LYSET: variants seen among roughly 807,000 people sequenced by gnomAD.
LYSET encodes the protein GNPTAB cleavage and activity factor.
At chr14:93,185,134 CGCCTGCGCA>C in the LYSET span, 15 of 151,580 alleles carry the variant, frequency 9.9e-5, no homozygotes, top group Admixed American at 5.3e-4. Context: ...GGCCTGGCGC[CGCCTGCGCA>C]GCCTTGGTCG....
the LYSET span, among the ~76,000 whole-genome samples, chr14:93,187,339 G>T: frequency 6.6e-6 from 1 of 152,016 alleles, no homozygotes. Flanking sequence ...GCCCAGGCAG[G>T]TCTCGAACTC....
the LYSET span, chr14:93,186,603 TG>T: frequency 6.2e-7 from 1 of 1,614,214 alleles, no homozygotes; most frequent in South Asian, 1.1e-5. Flanking sequence ...GGCAGTTATT[TG>T]CAATCGCCAC....
At chr14:93,188,334 ATTTTCT>A in the LYSET span, among the ~76,000 whole-genome samples, 2 of 152,082 alleles carry the variant, frequency 1.3e-5, no homozygotes, top group East Asian at 1.9e-4. Flanking sequence ...AATCTTTCTG[ATTTTCT>A]TTTCTGGCCC....
At chr14:93,186,079 C>T in the LYSET span, among the ~76,000 whole-genome samples, 1 of 152,070 alleles carries the variant, frequency 6.6e-6, no homozygotes, top group Non-Finnish European at 1.5e-5. Context: ...CCATGTTAGC[C>T]AGGATGGTCT....
the LYSET span, chr14:93,185,602 C>A: frequency 1.2e-6 from 1 of 815,308 alleles, no homozygotes; most frequent in Non-Finnish European, 2.0e-6. Context: ...GTGAAATGTG[C>A]TGTGAGAAAC....
chr14:93,185,477 G>A, the LYSET span: 3 of 1,611,384 alleles, frequency 1.9e-6, no homozygotes, highest in African/African-American at 1.3e-5. Context: ...GAAGATTTTC[G>A]GGACCATTGT....
the LYSET span, among the ~76,000 whole-genome samples, chr14:93,187,742 G>A: frequency 1.3e-5 from 2 of 151,486 alleles, no homozygotes; most frequent in Non-Finnish European, 2.9e-5. Context: ...TCCACCTCTC[G>A]GGTTTAAGCG....
the LYSET span, among the ~76,000 whole-genome samples, chr14:93,185,748 T>G: frequency 6.6e-6 from 1 of 152,206 alleles, no homozygotes; most frequent in East Asian, 1.9e-4. Context: ...TTTTTTTGTG[T>G]GTGTTGTTTT....
chr14:93,185,082 G>A, the LYSET span: 1 of 151,366 alleles, frequency 6.6e-6, no homozygotes, highest in Admixed American at 6.6e-5. Flanking sequence ...GGCGACCGCT[G>A]ACGGGCGCTG....
At chr14:93,186,170 A>G in the LYSET span, 12 of 1,314,904 alleles carry the variant, frequency 9.1e-6, no homozygotes, top group Admixed American at 2.1e-4. Context: ...CGCCCGGCCT[A>G]GAATTCTTGG....
At chr14:93,188,015 G>A in the LYSET span, among the ~76,000 whole-genome samples, 1 of 149,854 alleles carries the variant, frequency 6.7e-6, no homozygotes, top group South Asian at 2.1e-4. Flanking sequence ...CTGGTGTGCA[G>A]AAGTGCGATC....
chr14:93,185,924 A>G, the LYSET span, among the ~76,000 whole-genome samples: 7 of 148,574 alleles, frequency 4.7e-5, no homozygotes, highest in African/African-American at 1.8e-4. Context: ...GCTGGAGTGC[A>G]GTGGCGTGAT....
the LYSET span, chr14:93,186,365 CAGTG>C: frequency 6.2e-7 from 1 of 1,614,208 alleles, no homozygotes; most frequent in East Asian, 2.2e-5. Flanking sequence ...TTTTTGAAAT[CAGTG>C]AGACTTACAA....
At chr14:93,188,368 C>T in the LYSET span, among the ~76,000 whole-genome samples, 1 of 152,154 alleles carries the variant, frequency 6.6e-6, no homozygotes, top group Non-Finnish European at 1.5e-5. Context: ...GGTCATCAGG[C>T]AGTAGGTTAA....
At chr14:93,185,624 C>A in the LYSET span, 2 of 697,594 alleles carry the variant, frequency 2.9e-6, no homozygotes, top group Non-Finnish European at 2.4e-6. Context: ...AGTTTAATTC[C>A]AGTTTCTGGA....
chr14:93,186,909 T>G, the LYSET span: 2 of 469,292 alleles, frequency 4.3e-6, 1 homozygote, highest in South Asian at 1.1e-4. Context: ...AAATCATGTC[T>G]GTTATTTGCA....
At chr14:93,185,581 C>G in the LYSET span, 4 of 1,054,352 alleles carry the variant, frequency 3.8e-6, no homozygotes, top group Non-Finnish European at 5.8e-6. Flanking sequence ...GAAAGTGTTT[C>G]ACCTGTCAAA....
the LYSET span, chr14:93,185,554 G>A: frequency 2.3e-6 from 3 of 1,310,714 alleles, no homozygotes; most frequent in Non-Finnish European, 3.3e-6. Flanking sequence ...CACGTCTGAA[G>A]CAGTACTGTT....
At chr14:93,185,288 G>T in the LYSET span, 1 of 971,470 alleles carries the variant, frequency 1.0e-6, no homozygotes, top group South Asian at 1.5e-5. Context: ...GGCCGCGCGT[G>T]ACCCGCCGCA....
Sources: allele counts gnomAD v4.1 joint callset (sites outside exome capture counted in the v4.1 genomes callset), GRCh38; gene constraint gnomAD v4.1.1; transcripts MANE v1.5; gene names NCBI Gene and HGNC (gene_info 2026-07-23, HGNC 2026-07-21).